The following ADAMTS19 variants were observed in gnomAD, a reference collection of about 807,000 sequenced individuals.
ADAMTS19 encodes the protein A disintegrin and metalloproteinase with thrombospondin motifs 19.
Under a neutral mutation model 153.3 loss-of-function variants are expected in ADAMTS19, and 93 were observed. The ratio of observed to expected loss-of-function variants is 0.61; its 90% confidence interval spans 0.51 to 0.72. The LOEUF (loss-of-function observed/expected upper bound fraction) is 0.72. ADAMTS19 is among the 30% of genes least tolerant of loss of function. ADAMTS19 has a pLI of 0.00. For missense variants in ADAMTS19, 1,482 were observed against 1,552.1 expected, an observed-to-expected ratio of 0.95 and a Z score of 0.76; for synonymous variants, 600 against 556.6, an observed-to-expected ratio of 1.08 and a Z score of -1.10.
In ADAMTS19 at chr5:129,658,720, A is replaced by G. The variant is rs1199909391; in HGVS notation, c.2408A>G (p.Asn803Ser). The G allele has an allele frequency of 5.0e-6, 8 of 1,612,544 alleles. No individual in the cohort carries two copies. Among genetic ancestry groups the G allele is most frequent in the Non-Finnish European group, 6.8e-6 (8 of 1,179,216 alleles). Residue 803 changes from asparagine to serine, a missense_variant, in exon 15 of 23, where the codon AAT becomes AGT. Coordinates refer to ENST00000274487, the MANE Select transcript of ADAMTS19 (RefSeq NM_133638.6). ...KSCKIIKGDF[N>S]HTRGAGYVEV... Reference sequence around the variant, plus strand: ...TGCAAGATCATTAAAGGGGATTTTAATCACACCAGAGGAGCAGGTAATTTT... The same window carrying G: ...TGCAAGATCATTAAAGGGGATTTTAGTCACACCAGAGGAGCAGGTAATTTT...
intron 7 of ADAMTS19, among the ~76,000 whole-genome samples, chr5:129,567,962 G>C (rs574373669): frequency 6.6e-6 from 1 of 152,040 alleles, no homozygotes; most frequent in Admixed American, 6.6e-5. Context: ...AATGACAGCC[G>C]ATTTCTCATG....
chr5:129,477,967 T>C (rs1005088812), intron 2 of ADAMTS19, among the ~76,000 whole-genome samples: 1 of 152,160 alleles, frequency 6.6e-6, no homozygotes, highest in African/African-American at 2.4e-5. Flanking sequence ...CTTAAATTGA[T>C]TTCCATAAAT....
At chr5:129,518,272 G>A (rs1035375126) in intron 3 of ADAMTS19, among the ~76,000 whole-genome samples, 5 of 152,014 alleles carry the variant, frequency 3.3e-5, no homozygotes, top group Non-Finnish European at 7.4e-5. Flanking sequence ...GTTTTTCTGT[G>A]TACTTACTAT....
At chr5:129,592,959 C>A (rs1049733958) in intron 7 of ADAMTS19, among the ~76,000 whole-genome samples, 1 of 152,100 alleles carries the variant, frequency 6.6e-6, no homozygotes, top group Non-Finnish European at 1.5e-5. Context: ...ATTTTATATA[C>A]ATTTACATTT....
chr5:129,474,649 A>C (rs577763778), intron 2 of ADAMTS19, among the ~76,000 whole-genome samples: 19 of 151,974 alleles, frequency 1.3e-4, no homozygotes, highest in Non-Finnish European at 2.8e-4. Context: ...CCATCACCAC[A>C]ACTTAGTTTG....
chr5:129,680,050 G>A, intron 17 of ADAMTS19, 129 bp downstream of exon 17: 1 of 1,045,032 alleles, frequency 9.6e-7, no homozygotes, highest in Non-Finnish European at 1.3e-6. Flanking sequence ...TTAAAAAGTG[G>A]AATTTTTAGA....
At chr5:129,530,625 T>A (rs1405787026) in intron 6 of ADAMTS19, among the ~76,000 whole-genome samples, 1 of 152,128 alleles carries the variant, frequency 6.6e-6, no homozygotes, top group East Asian at 1.9e-4. Flanking sequence ...CCAAAAATAC[T>A]TATTGAGTTC....
intron 3 of ADAMTS19, among the ~76,000 whole-genome samples, chr5:129,522,357 A>ATATATATATATATG (rs1751854490): frequency 7.7e-6 from 1 of 129,228 alleles, no homozygotes; most frequent in Non-Finnish European, 1.7e-5. Flanking sequence ...ATATATATAT[A>ATATATATATATATG]TATATATATG....
rs1754772937 is a variant in ADAMTS19, at chr5:129,680,785, A to T, written c.2664+864A>T. Among the ~76,000 whole-genome samples, 3 of 151,726 alleles carry T rather than the reference A, an allele frequency of 2.0e-5. No individual in the cohort carries two copies. In the South Asian group the frequency reaches 6.2e-4, roughly 32 times the overall value. On this transcript the variant is annotated intron_variant, in intron 17 of 22. Transcript: ENST00000274487. Reference sequence around the variant, plus strand: ...TCAAAAAAAAAAAAAACAAAAAAAAAAACTGGATATAAGTGGGTTAGAATT... The same window carrying T: ...TCAAAAAAAAAAAAAACAAAAAAAATAACTGGATATAAGTGGGTTAGAATT...
rs2149540940 is a variant in ADAMTS19 at position 129,738,056 on chromosome 5, C to A, written c.*838C>A. The A allele has an allele frequency of 6.6e-6, 1 of 152,434 alleles. No homozygotes were observed. Among genetic ancestry groups the A allele is most frequent in the East Asian group, 1.9e-4 (1 of 5,156 alleles). The allele number at this position is 152,434 out of a possible 1,614,324, so 9.4% of individuals were successfully genotyped here. On this transcript the variant is annotated 3_prime_UTR_variant, in exon 23 of 23. Transcript: ENST00000274487. ...CATTGATCCACCCATTTCCCTGTAT[C>A]TTTTTAGCAGATTTATTAAAGAGTA...
In ADAMTS19 at chr5:129,737,436, A is replaced by G. The variant is rs1757718909; in HGVS notation, c.*218A>G. On this transcript the variant is annotated 3_prime_UTR_variant, in exon 23 of 23. Transcript: ENST00000274487. ...CTTCATAAATAATTTTATATGAATG[A>G]ATTAGTTGGATCCAGTAATATAATA... The G allele has an allele frequency of 3.1e-6, 1 of 324,846 alleles. No homozygotes were observed. The highest frequency in any genetic ancestry group is 5.4e-6 in the Non-Finnish European group (1 of 186,748). 20.1% of individuals were successfully genotyped at this position (324,846 alleles called of 1,614,324 possible).
chr5:129,701,536 C>A lies in ADAMTS19; in HGVS notation c.3103C>A (p.Gln1035Lys). 6.2e-7 allele frequency: 1 copy of A among 1,614,190 alleles called. No homozygotes were observed. Among genetic ancestry groups the A allele is most frequent in the Non-Finnish European group, 8.5e-7 (1 of 1,180,030 alleles). The part of the protein sequence containing the change: ...DCIGPKPASA[Q>K]RCEGQDCMTV... ...CATTGGGCCCAAGCCCGCCTCTGCC[C>A]AGCGCTGTGAGGGCCAGGACTGCAT... The change falls in exon 20 of 23, where the codon CAG becomes AAG. Residue 1035 changes from glutamine to lysine, a missense_variant. Gln to Lys is a moderately conservative substitution (Grantham distance 53). Around this residue, in one of 2 missense-constraint regions of ADAMTS19, gnomAD observed 616 missense variants for 724.4 expected, o/e 0.85. Coordinates refer to ENST00000274487, the MANE Select transcript of ADAMTS19 (RefSeq NM_133638.6).
At chr5:129,538,851 T>C (rs762462394) in intron 6 of ADAMTS19, among the ~76,000 whole-genome samples, 9 of 152,138 alleles carry the variant, frequency 5.9e-5, no homozygotes, top group Non-Finnish European at 1.2e-4. Flanking sequence ...AAAGTTTAAG[T>C]ATAACTTTTA....
At chr5:129,497,776 T>G (rs1750972885) in intron 2 of ADAMTS19, among the ~76,000 whole-genome samples, 1 of 152,094 alleles carries the variant, frequency 6.6e-6, no homozygotes, top group Non-Finnish European at 1.5e-5. Context: ...TGTTTACTTT[T>G]TTCCACATCC....
intron 14 of ADAMTS19, 149 bp from the exon 15 acceptor site, chr5:129,658,468 C>A (rs1753687327): frequency 2.7e-6 from 2 of 752,250 alleles, no homozygotes; most frequent in Non-Finnish European, 2.0e-6. Context: ...TATTAGCTTG[C>A]ACCAGAGAAT....
At chr5:129,680,401 A>G (rs1431650441) in intron 17 of ADAMTS19, among the ~76,000 whole-genome samples, 1 of 152,124 alleles carries the variant, frequency 6.6e-6, no homozygotes, top group African/African-American at 2.4e-5. Context: ...TTATTAATGG[A>G]TTTTTGTAAA....
At position 129,573,826 on chromosome 5, in the gene ADAMTS19, A is replaced by T. The variant is rs74781825; in HGVS notation, c.1372+21919A>T. 2.2e-3 allele frequency among the ~76,000 whole-genome samples: 331 copies of T among 151,750 alleles called. 5 individuals carry two copies. In the East Asian group the frequency reaches 0.052, roughly 24 times the overall value. On this transcript the variant is annotated intron_variant, in intron 7 of 22. Transcript: ENST00000274487. The stretch of plus-strand genomic sequence containing the variant: ...ACTTTAATTATAGCATTTTGCTTCT[A>T]TTAAAAATGTTTTGATGGTGCTATT...
intron 21 of ADAMTS19, among the ~76,000 whole-genome samples, chr5:129,712,644 CTAGA>C (rs1199150669): frequency 6.6e-6 from 1 of 151,876 alleles, no homozygotes; most frequent in African/African-American, 2.4e-5. Flanking sequence ...TTTATTGCCA[CTAGA>C]TATACAAAAT....
intron 21 of ADAMTS19, among the ~76,000 whole-genome samples, chr5:129,714,544 C>T (rs558181089): frequency 2.0e-4 from 31 of 151,926 alleles, no homozygotes; most frequent in African/African-American, 7.2e-4. Flanking sequence ...AGTAAACATG[C>T]ACACACAGAA....
Sources: allele counts gnomAD v4.1 joint callset (sites outside exome capture counted in the v4.1 genomes callset), GRCh38; gene constraint gnomAD v4.1.1; regional missense constraint gnomAD v4.1.1; transcripts MANE v1.5; gene names NCBI Gene and HGNC (gene_info 2026-07-23, HGNC 2026-07-21).